Variants in UBE2D3 observed in about 807,000 individuals in gnomAD.
UBE2D3 encodes ubiquitin-conjugating enzyme E2 D3.
Under a neutral mutation model 22.8 loss-of-function variants are expected in UBE2D3, and 2 were observed. That is an observed-to-expected ratio of 0.09 (90% CI 0.04 to 0.28). The LOEUF (loss-of-function observed/expected upper bound fraction) is 0.28. Ranked by LOEUF, UBE2D3 falls within the 10% of genes least tolerant of loss-of-function variation. The probability of loss-of-function intolerance (pLI) is 1.00; values close to 1 mark genes in which losing one functional copy is unlikely to be tolerated. For synonymous variants in UBE2D3, 56 were observed against 60.4 expected, an observed-to-expected ratio of 0.93 and a Z score of 0.34; for missense variants, 27 against 182.5, an observed-to-expected ratio of 0.15 and a Z score of 4.91.
intron 1 of UBE2D3, among the ~76,000 whole-genome samples, chr4:102,847,232 TAATC>T (rs923460739): frequency 5.9e-5 from 9 of 152,334 alleles, no homozygotes; most frequent in African/African-American, 2.2e-4. Context: ...TTACAGAAGA[TAATC>T]AACTCCTTCA....
In UBE2D3 at chr4:102,853,135, A is replaced by ATCTTTTTTTTTTTTTTTTTTT. The variant is rs386626793; in HGVS notation, c.-129+15579_-129+15580insAAAAAAAAAAAAAAAAAAAGA. ...GTCAAAATTACACACAAACACACAC[A>ATCTTTTTTTTTTTTTTTTTTT]TTTTTTTTTTTTTTTTTTTTTTTTT... is the stretch of plus-strand genomic sequence containing the variant. On this transcript the variant is annotated intron_variant, in intron 1 of 7. Coordinates refer to the UBE2D3 transcript ENST00000338145. 1.1e-4 allele frequency among the ~76,000 whole-genome samples: 10 copies of ATCTTTTTTTTTTTTTTTTTTT among 88,604 alleles called. 3 individuals carry two copies. The highest frequency in any genetic ancestry group is 3.3e-4 in the African/African-American group (7 of 21,086). The allele number at this position is 88,604 out of a possible 152,430, so 58.1% of individuals were successfully genotyped here.
chr4:102,802,299 G>C (rs766859976), intron 5 of UBE2D3: 33 of 279,516 alleles, frequency 1.2e-4, no homozygotes, highest in Admixed American at 5.2e-4. Context: ...CAGAATCTGT[G>C]TAACAATAAT....
At position 102,822,372 on chromosome 4, in the gene UBE2D3, T is replaced by TA. The variant is rs1249179457; in HGVS notation, c.24+4112dup. On this transcript the variant is annotated intron_variant, in intron 2 of 7. Coordinates refer to ENST00000453744, the MANE Select transcript of UBE2D3 (RefSeq NM_181891.3). ...CATGCAAGACAGTTTACCCAGCCTA[T>TA]ATACTAGTTGGGGACAATAAATATA... is the stretch of plus-strand genomic sequence containing the variant. Among the ~76,000 whole-genome samples the TA allele has an allele frequency of 2.6e-5, 4 of 152,344 alleles. No individual in the cohort carries two copies. The East Asian group carries it at 7.7e-4, about 29-fold the overall frequency.
chr4:102,833,705 G>T (rs2110347529), intron 1 of UBE2D3, among the ~76,000 whole-genome samples: 1 of 152,296 alleles, frequency 6.6e-6, no homozygotes, highest in African/African-American at 2.4e-5. Flanking sequence ...TTCTGAAATG[G>T]AAGTAAAAGG....
At position 102,797,303 on chromosome 4, in the gene UBE2D3, TA is replaced by T; in HGVS notation, c.*111del. The T allele has an allele frequency of 2.3e-6, 2 of 884,180 alleles. No homozygotes were observed. Among genetic ancestry groups the T allele is most frequent in the Non-Finnish European group, 3.4e-6 (2 of 583,772 alleles). 54.8% of individuals were successfully genotyped at this position (884,180 alleles called of 1,614,324 possible). The stretch of plus-strand genomic sequence containing the variant: ...GAGGGAGGTAAACAAAAAATAAAAT[TA>T]AAAAAGATGAGGTCTGATAGGGGAG... On this transcript the variant is annotated 3_prime_UTR_variant, in exon 8 of 8. Transcript: ENST00000453744.
chr4:102,826,386 T>C (rs972302977), intron 2 of UBE2D3, 99 bp downstream of exon 2: 26 of 1,433,344 alleles, frequency 1.8e-5, no homozygotes, highest in Non-Finnish European at 2.4e-5. Context: ...ATCCAAGAGG[T>C]ATTTTCAGAA....
intron 2 of UBE2D3, chr4:102,825,884 C>G: frequency 2.3e-6 from 1 of 426,596 alleles, no homozygotes; most frequent in Non-Finnish European, 4.7e-6. Flanking sequence ...AGTGGCAACA[C>G]TGTGTCATTC....
chr4:102,835,211 T>G (rs900046639), intron 1 of UBE2D3, among the ~76,000 whole-genome samples: 4 of 152,220 alleles, frequency 2.6e-5, no homozygotes, highest in Non-Finnish European at 5.9e-5. Context: ...GGATCCAAAA[T>G]ACACATTTTT....
rs994666245 is a variant in UBE2D3 at position 102,827,477 on chromosome 4, G to T, written c.-179C>A. On this transcript the variant is annotated 5_prime_UTR_variant, in exon 1 of 8. Coordinates refer to ENST00000453744, the MANE Select transcript of UBE2D3 (RefSeq NM_181891.3). ...TGCGGCCTCGGCCTCCTCCCCGCGCGGCAGCTGGTGCCTCCCCGGCCCTAC... is the reference window on the plus strand; with the variant it reads ...TGCGGCCTCGGCCTCCTCCCCGCGCTGCAGCTGGTGCCTCCCCGGCCCTAC... 1.6e-5 allele frequency: 16 copies of T among 986,036 alleles called. No individual in the cohort carries two copies. The highest frequency in any genetic ancestry group is 1.8e-5 in the Non-Finnish European group (15 of 830,180). The allele number at this position is 986,036 out of a possible 1,614,324, so 61.1% of individuals were successfully genotyped here.
rs1171468518 is a variant in UBE2D3, at chr4:102,794,765, A to C, written c.*2650T>G. The C allele has an allele frequency of 2.0e-5, 3 of 152,066 alleles. No individual in the cohort carries two copies. The highest frequency in any genetic ancestry group is 4.4e-5 in the Non-Finnish European group (3 of 67,958). 9.4% of individuals were successfully genotyped at this position (152,066 alleles called of 1,614,324 possible). ...GTGAGTACACCCACACAAGAAAGCAAATTAATCAGTTTTAAAAAATCTGAT... is the reference window on the plus strand; with the variant it reads ...GTGAGTACACCCACACAAGAAAGCACATTAATCAGTTTTAAAAAATCTGAT... On this transcript the variant is annotated 3_prime_UTR_variant, in exon 8 of 8. Transcript: ENST00000453744.
At chr4:102,823,735 G>A (rs1729996784) in intron 2 of UBE2D3, among the ~76,000 whole-genome samples, 2 of 151,928 alleles carry the variant, frequency 1.3e-5, no homozygotes, top group South Asian at 4.1e-4. Context: ...AAAGAATACA[G>A]GAAAAAAGTT....
chr4:102,866,989 T>C (rs1266514751), intron 1 of UBE2D3, among the ~76,000 whole-genome samples: 2 of 152,208 alleles, frequency 1.3e-5, no homozygotes, highest in African/African-American at 4.8e-5. Context: ...AGGGTTTACC[T>C]CCAAACTCTC....
chr4:102,849,713 A>C (rs141334338), intron 1 of UBE2D3, among the ~76,000 whole-genome samples: 5 of 152,350 alleles, frequency 3.3e-5, no homozygotes, highest in African/African-American at 1.2e-4. Context: ...TAAAAGGTTA[A>C]TGTCAAAATG....
chr4:102,827,700 G>C, upstream of UBE2D3: 1 of 977,578 alleles, frequency 1.0e-6, no homozygotes, highest in Non-Finnish European at 1.2e-6. Flanking sequence ...GAGTGAATAC[G>C]TGTCAAGCCC....
intron 1 of UBE2D3, among the ~76,000 whole-genome samples, chr4:102,861,050 T>A (rs540774413): frequency 2.6e-5 from 4 of 151,972 alleles, no homozygotes; most frequent in Non-Finnish European, 5.9e-5. Flanking sequence ...TCCCTCAGTA[T>A]TCTGGATAGG....
rs925118149 is a variant in UBE2D3 at position 102,826,596 on chromosome 4, G to A, written c.-88C>T. 1.2e-5 allele frequency: 19 copies of A among 1,601,064 alleles called. No homozygotes were observed. The African/African-American group carries it at 2.3e-4, about 19-fold the overall frequency. On this transcript the variant is annotated 5_prime_UTR_variant, in exon 2 of 8. Coordinates refer to ENST00000453744, the MANE Select transcript of UBE2D3 (RefSeq NM_181891.3). ...TCTTGATTATCCCGGCGGCGGGGCA[G>A]GATTGTCTCGTCTCACACCAGCTCT...
intron 4 of UBE2D3, among the ~76,000 whole-genome samples, chr4:102,805,775 G>A (rs1726929731): frequency 6.6e-6 from 1 of 152,136 alleles, no homozygotes; most frequent in Admixed American, 6.5e-5. Context: ...AATGCCTACT[G>A]ATATTTCTAC....
At chr4:102,809,965 T>A in intron 2 of UBE2D3, 110 bp from the exon 3 acceptor site, 1 of 990,596 alleles carries the variant, frequency 1.0e-6, no homozygotes, top group Non-Finnish European at 1.6e-6. Context: ...GCACACTCCA[T>A]CACAATTCAC....
At chr4:102,868,754 C>T (rs767679836) in exon 1 of UBE2D3, 3 of 1,614,014 alleles carry the variant, frequency 1.9e-6, no homozygotes, top group Non-Finnish European at 2.5e-6. Context: ...TTCTCACATG[C>T]TTATCTCATC....
Sources: gnomAD v4.1 joint callset for allele counts (sites outside exome capture counted in the v4.1 genomes callset) on GRCh38, gnomAD v4.1.1 for gene constraint, MANE v1.5 for transcripts, NCBI Gene and HGNC (gene_info 2026-07-23, HGNC 2026-07-21) for gene names.